The following DCC variants were observed in gnomAD, a reference collection of about 807,000 sequenced individuals.
DCC encodes netrin receptor DCC.
DCC carries 58 observed loss-of-function variants against 172.5 expected under a neutral mutation model. The observed-to-expected ratio is 0.34, with a 90% confidence interval of 0.27 to 0.42. DCC has a LOEUF of 0.42. DCC is among the 10% of genes least tolerant of loss of function. The pLI, the probability that DCC is intolerant of heterozygous loss-of-function variation, is 1.00. For synonymous variants in DCC, 709 were observed against 644.5 expected, an observed-to-expected ratio of 1.10 and a Z score of -1.52; for missense variants, 1,740 against 1,791.0, an observed-to-expected ratio of 0.97 and a Z score of 0.51.
chr18:52,940,671 A>C (rs149805932), intron 5 of DCC, among the ~76,000 whole-genome samples: 2,957 of 152,304 alleles, frequency 0.019, 61 homozygotes, highest in South Asian at 0.051. Flanking sequence ...AGTGTAATTT[A>C]ATATATCTAG....
At chr18:53,272,267 G>A (rs965941832) in intron 12 of DCC, among the ~76,000 whole-genome samples, 1 of 152,072 alleles carries the variant, frequency 6.6e-6, no homozygotes, top group Non-Finnish European at 1.5e-5. Context: ...GTATTACCTA[G>A]CCTATTTTCC....
chr18:52,608,339 C>A lies in DCC; in HGVS notation c.92-143715C>A, dbSNP rs180930779. 3.5e-3 allele frequency among the ~76,000 whole-genome samples: 532 copies of A among 152,216 alleles called. 9 individuals carry two copies. The highest frequency in any genetic ancestry group is 0.012 in the African/African-American group (500 of 41,534). ...TCAGCTTGAAATCTTTACATATAAA[C>A]AATAGATGCTAATAGTGAAAGAGAA... On this transcript the variant is annotated intron_variant, in intron 1 of 28. Transcript: ENST00000442544.
intron 1 of DCC, among the ~76,000 whole-genome samples, chr18:52,518,104 C>A (rs2144660867): frequency 6.6e-6 from 1 of 152,076 alleles, no homozygotes; most frequent in African/African-American, 2.4e-5. Flanking sequence ...TCTTTGATAC[C>A]TTATATTGAA....
At chr18:52,367,439 G>A (rs1175742023) in intron 1 of DCC, among the ~76,000 whole-genome samples, 1 of 152,224 alleles carries the variant, frequency 6.6e-6, no homozygotes, top group Non-Finnish European at 1.5e-5. Context: ...CGAGGGCTCT[G>A]AGGACTGCCA....
intron 5 of DCC, among the ~76,000 whole-genome samples, chr18:52,960,650 AC>A (rs2040827922): frequency 6.6e-6 from 1 of 151,912 alleles, no homozygotes; most frequent in African/African-American, 2.4e-5. Flanking sequence ...ATCAAAGCGT[AC>A]CCAACATTAT....
At chr18:53,205,555 G>A (rs1333511621) in intron 10 of DCC, among the ~76,000 whole-genome samples, 191 bp downstream of exon 10, 1 of 152,166 alleles carries the variant, frequency 6.6e-6, no homozygotes, top group East Asian at 1.9e-4. Flanking sequence ...ATTAAATTCT[G>A]GTGGTAAGAG....
chr18:52,714,338 G>A (rs1247028961), intron 1 of DCC, among the ~76,000 whole-genome samples: 1 of 152,170 alleles, frequency 6.6e-6, no homozygotes, highest in African/African-American at 2.4e-5. Flanking sequence ...AAATTTCGAT[G>A]AACATTGTGT....
intron 1 of DCC, among the ~76,000 whole-genome samples, chr18:52,623,219 T>C (rs929490675): frequency 2.0e-5 from 3 of 152,138 alleles, no homozygotes; most frequent in Non-Finnish European, 4.4e-5. Context: ...GAGGAAGAAA[T>C]ACTACAGGAC....
chr18:53,087,938 C>T (rs1410620179), intron 7 of DCC, among the ~76,000 whole-genome samples: 2 of 152,004 alleles, frequency 1.3e-5, no homozygotes, highest in African/African-American at 4.8e-5. Context: ...TTTCTGAGGC[C>T]TCTGTTCTGT....
At chr18:53,326,075 A>G (rs1176103794) in intron 14 of DCC, among the ~76,000 whole-genome samples, 1 of 152,202 alleles carries the variant, frequency 6.6e-6, no homozygotes, top group Non-Finnish European at 1.5e-5. Context: ...TTACCAGTCA[A>G]TTGTCAAAAC....
At chr18:52,488,939 T>C (rs1342738422) in intron 1 of DCC, among the ~76,000 whole-genome samples, 1 of 152,080 alleles carries the variant, frequency 6.6e-6, no homozygotes, top group Non-Finnish European at 1.5e-5. Context: ...ACAAACCACC[T>C]TTCCCCGCCT....
intron 25 of DCC, among the ~76,000 whole-genome samples, chr18:53,473,630 A>G (rs2045725610): frequency 6.6e-6 from 1 of 152,176 alleles, no homozygotes; most frequent in South Asian, 2.1e-4. Context: ...TAATCCTCAC[A>G]ATATTATCAT....
At chr18:52,404,939 T>A (rs1168446844) in intron 1 of DCC, among the ~76,000 whole-genome samples, 1 of 151,692 alleles carries the variant, frequency 6.6e-6, no homozygotes, top group Non-Finnish European at 1.5e-5. Context: ...TGTGACAGTT[T>A]ACTGAGAATG....
chr18:52,916,074 A>T (rs2040034447), intron 3 of DCC, among the ~76,000 whole-genome samples: 1 of 152,130 alleles, frequency 6.6e-6, no homozygotes, highest in African/African-American at 2.4e-5. Context: ...TATTGTCTCG[A>T]TCCTTAAAGT....
chr18:52,854,841 G>A (rs1206782020), intron 2 of DCC, among the ~76,000 whole-genome samples: 2 of 152,106 alleles, frequency 1.3e-5, no homozygotes, highest in East Asian at 1.9e-4. Flanking sequence ...TTAACATTGG[G>A]CATGCCTTCA....
intron 3 of DCC, among the ~76,000 whole-genome samples, chr18:52,913,497 G>T (rs913766972): frequency 2.6e-5 from 4 of 151,026 alleles, no homozygotes; most frequent in Non-Finnish European, 4.4e-5. Context: ...AAATCAACCA[G>T]TTTTTTTTTC....
chr18:52,923,906 ATGCTGCTATTTATATTTCTCTAATT>A, intron 4 of DCC, 49 bp downstream of exon 4: 1 of 1,332,378 alleles, frequency 7.5e-7, no homozygotes, highest in Non-Finnish European at 1.1e-6. Flanking sequence ...TGTATGGTAT[ATGCTGCTATTTATATTTCTCTAATT>A]TGATATAAGT....
chr18:52,790,519 C>T (rs1324713089), intron 2 of DCC, among the ~76,000 whole-genome samples: 1 of 152,070 alleles, frequency 6.6e-6, no homozygotes, highest in Non-Finnish European at 1.5e-5. Flanking sequence ...CCTAGCTCAA[C>T]TAGAGAAGCA....
chr18:53,292,877 C>T (rs2057022617), intron 12 of DCC, among the ~76,000 whole-genome samples: 1 of 152,110 alleles, frequency 6.6e-6, no homozygotes, highest in African/African-American at 2.4e-5. Context: ...GTCTGTGAAA[C>T]CCAATCATGT....
Sources: gnomAD v4.1 joint callset for allele counts (sites outside exome capture counted in the v4.1 genomes callset) on GRCh38, gnomAD v4.1.1 for gene constraint, MANE v1.5 for transcripts, NCBI Gene and HGNC (gene_info 2026-07-23, HGNC 2026-07-21) for gene names.